The following ROR1 variants were observed in gnomAD, a reference collection of about 807,000 sequenced individuals.
ROR1 encodes the protein inactive tyrosine-protein kinase transmembrane receptor ROR1.
In ROR1, 19 loss-of-function variants were observed where a neutral mutation model predicts 78.8. The ratio of observed to expected loss-of-function variants is 0.24; its 90% CI spans 0.17 to 0.35. The LOEUF (loss-of-function observed/expected upper bound fraction) is 0.35, where lower values mean the gene tolerates loss of function less well. Ranked by LOEUF, ROR1 falls within the 10% of genes least tolerant of loss-of-function variation. The probability of loss-of-function intolerance (pLI) is 1.00; values close to 1 mark genes in which losing one functional copy is unlikely to be tolerated. For missense variants in ROR1, 917 were observed against 1,177.8 expected, an observed-to-expected ratio of 0.78 and a Z score of 3.24; for synonymous variants, 386 against 433.6, an observed-to-expected ratio of 0.89 and a Z score of 1.36.
intron 1 of ROR1, among the ~76,000 whole-genome samples, chr1:63,923,667 C>T (rs537975556): frequency 1.3e-5 from 2 of 151,296 alleles, no homozygotes; most frequent in African/African-American, 2.4e-5. Context: ...TGCTTGTACT[C>T]CCACTTGACA....
In ROR1 at chr1:63,887,230, G is replaced by GT. The variant is rs949990925; in HGVS notation, c.91+112722_91+112723insT. Among the ~76,000 whole-genome samples, 117 of 151,594 alleles carry GT rather than the reference G, an allele frequency of 7.7e-4. 1 individual carries two copies. The highest frequency in any genetic ancestry group is 4.7e-4 in the Non-Finnish European group (32 of 67,854). On this transcript the variant is annotated intron_variant, in intron 1 of 8. Transcript: ENST00000371079. ...TTTTGTTTTGCGTTTTGGGATGGGG[G>GT]GGTTTGGGGATGTATAGGCCATGCT...
Position 64,140,413 on chromosome 1 carries a change from T to C in ROR1, c.915T>C (p.Asp305=), listed in dbSNP as rs770943198. 4.3e-6 allele frequency: 7 copies of C among 1,613,108 alleles called. No homozygotes were observed. Among genetic ancestry groups the C allele is most frequent in the Non-Finnish European group, 5.9e-6 (7 of 1,179,174 alleles). The part of the protein sequence containing the change: ...NCIRIGIPMA[D]PINKNHKCYN... ...TCCGGATTGGAATTCCCATGGCAGATCCTATAAATAAAAGTAAGTGGTAGC... is the reference window on the plus strand; with the variant it reads ...TCCGGATTGGAATTCCCATGGCAGACCCTATAAATAAAAGTAAGTGGTAGC... The change falls in exon 6 of 9, where the codon GAT becomes GAC. Residue 305 remains aspartate (D), a synonymous_variant. Coordinates refer to ENST00000371079, the MANE Select transcript of ROR1 (RefSeq NM_005012.4).
intron 7 of ROR1, among the ~76,000 whole-genome samples, chr1:64,145,810 T>G (rs72686921): frequency 0.16 from 23,668 of 152,132 alleles, 2,096 homozygotes; most frequent in Non-Finnish European, 0.2. Flanking sequence ...CCAGGCACAG[T>G]GCTAGGGTTT....
intron 1 of ROR1, among the ~76,000 whole-genome samples, chr1:63,972,881 G>A (rs1158263776): frequency 6.6e-6 from 1 of 152,214 alleles, no homozygotes; most frequent in African/African-American, 2.4e-5. Flanking sequence ...TATAGTCAAT[G>A]TTGCCAACTA....
chr1:63,861,954 G>A (rs1645184842), intron 1 of ROR1, among the ~76,000 whole-genome samples: 1 of 151,978 alleles, frequency 6.6e-6, no homozygotes, highest in East Asian at 1.9e-4. Flanking sequence ...ATAAAAAATG[G>A]CATATTCTAT....
intron 1 of ROR1, among the ~76,000 whole-genome samples, chr1:63,957,829 G>A (rs760543793): frequency 7.3e-5 from 11 of 150,640 alleles, no homozygotes; most frequent in Non-Finnish European, 1.0e-4. Flanking sequence ...TGCAACTTCC[G>A]CCTCCGGGGT....
intron 1 of ROR1, among the ~76,000 whole-genome samples, chr1:63,833,946 A>T (rs866751595): frequency 6.7e-6 from 1 of 149,116 alleles, no homozygotes; most frequent in African/African-American, 2.5e-5. Flanking sequence ...AATTACATCA[A>T]TGCTTTCCGT....
At chr1:63,831,815 G>T (rs1352930273) in intron 1 of ROR1, among the ~76,000 whole-genome samples, 1 of 152,204 alleles carries the variant, frequency 6.6e-6, no homozygotes, top group Non-Finnish European at 1.5e-5. Context: ...GGCTACAGGT[G>T]TTCTAAACTT....
chr1:63,841,082 G>A (rs1405380268), intron 1 of ROR1, among the ~76,000 whole-genome samples: 1 of 152,018 alleles, frequency 6.6e-6, no homozygotes, highest in African/African-American at 2.4e-5. Flanking sequence ...TTATAATACT[G>A]GCCACCATTT....
chr1:63,911,335 C>T (rs1420467330), intron 1 of ROR1, among the ~76,000 whole-genome samples: 2 of 152,136 alleles, frequency 1.3e-5, no homozygotes, highest in East Asian at 3.9e-4. Flanking sequence ...TCCGTTAGTA[C>T]AGGGGTCCCC....
At chr1:64,134,326 C>T (rs1301051893) in intron 4 of ROR1, among the ~76,000 whole-genome samples, 1 of 152,152 alleles carries the variant, frequency 6.6e-6, no homozygotes, top group East Asian at 1.9e-4. Context: ...CTCGAGTAGG[C>T]TGATTTAACT....
intron 8 of ROR1, among the ~76,000 whole-genome samples, chr1:64,175,164 C>T (rs951629960): frequency 1.3e-4 from 20 of 151,806 alleles, no homozygotes; most frequent in Non-Finnish European, 2.6e-4. Context: ...TTCCATACCC[C>T]CAATAATCAC....
intron 1 of ROR1, among the ~76,000 whole-genome samples, chr1:63,926,910 C>T: frequency 1.4e-5 from 1 of 73,744 alleles, no homozygotes; most frequent in South Asian, 7.2e-4. Flanking sequence ...AGATTTTGGG[C>T]TGAGACAATG....
At position 64,140,345 on chromosome 1, in the gene ROR1, G is replaced by A; in HGVS notation, c.847G>A (p.Glu283Lys). 6.2e-7 allele frequency: 1 copy of A among 1,614,112 alleles called. No individual in the cohort carries two copies. The part of the protein sequence containing the change: ...ILMRLKLPNC[E>K]DLPQPESPEA... The stretch of plus-strand genomic sequence containing the variant: ...GATGAGGCTGAAACTGCCAAACTGT[G>A]AAGATCTCCCCCAGCCAGAGAGCCC... Residue 283 changes from glutamate (E) to lysine (K), a missense_variant, in exon 6 of 9, where the codon GAA (glutamate) becomes AAA (lysine). Around this residue, in one of 3 missense-constraint regions of ROR1, gnomAD observed 835 missense variants for 1,069.8 expected, o/e 0.78. Coordinates refer to ENST00000371079, the MANE Select transcript of ROR1 (RefSeq NM_005012.4).
intron 1 of ROR1, among the ~76,000 whole-genome samples, chr1:63,832,651 G>A (rs1644995242): frequency 1.3e-5 from 2 of 152,190 alleles, no homozygotes; most frequent in Admixed American, 6.5e-5. Context: ...ATGAGATAAA[G>A]CACAGTCAGT....
chr1:64,101,645 A>T (rs192905204), intron 4 of ROR1, among the ~76,000 whole-genome samples: 3 of 150,840 alleles, frequency 2.0e-5, no homozygotes, highest in African/African-American at 7.3e-5. Flanking sequence ...TTGAGGGGGA[A>T]CCCAAGGATG....
intron 4 of ROR1, among the ~76,000 whole-genome samples, chr1:64,097,163 G>T (rs1407921864): frequency 2.1e-5 from 3 of 142,776 alleles, no homozygotes; most frequent in Non-Finnish European, 4.5e-5. Flanking sequence ...GTTCCTTTTG[G>T]AGGCTCAAGG....
intron 2 of ROR1, among the ~76,000 whole-genome samples, chr1:64,010,076 C>T (rs1205430201): frequency 1.3e-5 from 2 of 152,120 alleles, no homozygotes; most frequent in Non-Finnish European, 2.9e-5. Context: ...GCTTTTCTGC[C>T]TCTCTGCTCT....
intron 1 of ROR1, among the ~76,000 whole-genome samples, chr1:63,839,881 T>C (rs1434692773): frequency 1.3e-5 from 2 of 152,168 alleles, no homozygotes; most frequent in Non-Finnish European, 2.9e-5. Context: ...CTTTGAAAAT[T>C]AAATAAAACA....
Sources: gnomAD v4.1 joint callset for allele counts (sites outside exome capture counted in the v4.1 genomes callset) on GRCh38, gnomAD v4.1.1 for gene constraint, gnomAD v4.1.1 regional missense constraint, MANE v1.5 for transcripts, NCBI Gene and HGNC (gene_info 2026-07-23, HGNC 2026-07-21) for gene names.